Variants in KLF17 observed in about 807,000 individuals in gnomAD.
The protein encoded by KLF17 is Krueppel-like factor 17.
Under a neutral mutation model 34.2 loss-of-function variants are expected in KLF17, and 31 were observed. The ratio of observed to expected loss-of-function variants is 0.91; its 90% CI spans 0.68 to 1.22. KLF17 has a LOEUF of 1.22. Among genes scored for constraint, KLF17 ranks in the 50% most tolerant of loss-of-function variants. The probability of loss-of-function intolerance (pLI) is 0.00; values close to 1 mark genes in which losing one functional copy is unlikely to be tolerated. For synonymous variants in KLF17, 179 were observed against 186.7 expected (o/e 0.96, Z 0.34); for missense variants, 478 against 505.2 (o/e 0.95, Z 0.52).
the KLF17 span, among the ~76,000 whole-genome samples, chr1:44,099,894 A>G: frequency 1.5e-5 from 1 of 67,362 alleles, no homozygotes; most frequent in African/African-American, 4.7e-5. Flanking sequence ...AGAAAGAAAG[A>G]AAGAAAGAAA....
chr1:44,055,130 C>A, the KLF17 span, among the ~76,000 whole-genome samples: 1 of 152,118 alleles, frequency 6.6e-6, no homozygotes, highest in Non-Finnish European at 1.5e-5. Flanking sequence ...CTGTCCCAGG[C>A]TTAAAGGGGA....
the KLF17 span, among the ~76,000 whole-genome samples, chr1:44,055,657 A>T: frequency 2.0e-5 from 3 of 152,150 alleles, no homozygotes; most frequent in African/African-American, 7.2e-5. Context: ...GGGTCATGGA[A>T]GTTCCTGCTA....
the KLF17 span, among the ~76,000 whole-genome samples, chr1:44,079,399 C>G: frequency 1.3e-5 from 2 of 151,304 alleles, no homozygotes; most frequent in Non-Finnish European, 2.9e-5. Context: ...TGGGCTAAAG[C>G]AATTCTCCCA....
chr1:44,094,028 T>G, the KLF17 span, among the ~76,000 whole-genome samples: 4 of 152,354 alleles, frequency 2.6e-5, no homozygotes, highest in South Asian at 8.3e-4. Flanking sequence ...GTGGATTTTT[T>G]TTGATCAAAC....
chr1:44,100,116 A>ACAC, the KLF17 span, among the ~76,000 whole-genome samples: 1 of 144,232 alleles, frequency 6.9e-6, no homozygotes, highest in African/African-American at 2.6e-5. Context: ...ACACACACAC[A>ACAC]AATTAGCTGG....
At chr1:44,127,667 T>TTTC (rs201995206) in intron 1 of KLF17, among the ~76,000 whole-genome samples, 1 of 39,392 alleles carries the variant, frequency 2.5e-5, no homozygotes, top group African/African-American at 7.0e-5. Context: ...TCTTTCTTTC[T>TTTC]TTCTTTCTTT....
the KLF17 span, among the ~76,000 whole-genome samples, chr1:44,055,908 A>G: frequency 4.6e-5 from 7 of 152,240 alleles, no homozygotes; most frequent in Non-Finnish European, 8.8e-5. Flanking sequence ...TTAATGAGAT[A>G]GTAGTCCCAG....
At chr1:44,098,478 TA>T in the KLF17 span, among the ~76,000 whole-genome samples, 42,609 of 148,842 alleles carry the variant, frequency 0.29, 6,352 homozygotes, top group Middle Eastern at 0.34. Context: ...TCTTTATTAT[TA>T]TTTTTTTTAA....
At chr1:44,087,761 TATATATATACACACACAC>T in the KLF17 span, among the ~76,000 whole-genome samples, 10 of 56,436 alleles carry the variant, frequency 1.8e-4, no homozygotes, top group Admixed American at 8.9e-4. Context: ...TATATATATA[TATATATATACACACACAC>T]ACACACACAC....
At chr1:44,060,757 C>T in the KLF17 span, among the ~76,000 whole-genome samples, 1 of 152,168 alleles carries the variant, frequency 6.6e-6, no homozygotes, top group Non-Finnish European at 1.5e-5. Flanking sequence ...CAATAGCGGT[C>T]AGGCATTAAA....
At chr1:44,127,064 T>C (rs1378313185) in intron 1 of KLF17, among the ~76,000 whole-genome samples, 1 of 60,714 alleles carries the variant, frequency 1.6e-5, no homozygotes, top group Non-Finnish European at 3.4e-5. Context: ...GCCTGGCTTG[T>C]TTTTTTTTTT....
the KLF17 span, chr1:44,103,581 C>T: frequency 1.9e-6 from 3 of 1,588,816 alleles, no homozygotes; most frequent in Non-Finnish European, 2.6e-6. Context: ...GCTCTCCTCG[C>T]CCTCTAGCAG....
the KLF17 span, among the ~76,000 whole-genome samples, chr1:44,094,308 GTTAA>G: frequency 6.6e-6 from 1 of 151,944 alleles, no homozygotes; most frequent in Non-Finnish European, 1.5e-5. Context: ...TCTTTTCTTT[GTTAA>G]TTGTTTCCTC....
the KLF17 span, chr1:44,107,090 G>A: frequency 6.6e-6 from 1 of 152,188 alleles, no homozygotes; most frequent in Admixed American, 6.6e-5. Context: ...TGATGGTGAT[G>A]GGTTGATGAA....
chr1:44,104,066 C>T, the KLF17 span: 5 of 893,248 alleles, frequency 5.6e-6, no homozygotes, highest in Non-Finnish European at 9.5e-6. Flanking sequence ...AGATCTGGGA[C>T]TGCAGCTCCC....
the KLF17 span, among the ~76,000 whole-genome samples, chr1:44,047,615 A>G: frequency 6.6e-6 from 1 of 152,292 alleles, no homozygotes; most frequent in African/African-American, 2.4e-5. Context: ...AGTCACATCC[A>G]TCTTGAGGGA....
the KLF17 span, among the ~76,000 whole-genome samples, chr1:44,095,810 G>GT: frequency 6.6e-5 from 8 of 120,552 alleles, no homozygotes; most frequent in African/African-American, 1.8e-4. Context: ...ACTTTCTTGG[G>GT]GTTTTTTTTT....
chr1:44,108,198 C>G, the KLF17 span, among the ~76,000 whole-genome samples: 1 of 152,200 alleles, frequency 6.6e-6, no homozygotes, highest in Non-Finnish European at 1.5e-5. Context: ...CAGGTTTCTT[C>G]CCTTATATGC....
Position 44,118,987 on chromosome 1 carries a change from A to G in KLF17, c.80A>G (p.Gln27Arg). The change falls in exon 1 of 4, where the codon CAG becomes CGG. Residue 27 changes from glutamine (Q) to arginine (R), a missense_variant and splice_region_variant. Physicochemically the swap from Gln to Arg is conservative, Grantham distance 43 (BLOSUM62 1). Transcript: ENST00000372299. ...TGGCAGGCGGCGCACCAGGCTGCCC[A>G]GGTGAGTCAGGTGCCAGCCCCTGGC... is the stretch of plus-strand genomic sequence containing the variant. ...SRWQAAHQAA[Q>R]DNENSAPILN... 1 of 1,601,504 alleles carries G rather than the reference A, an allele frequency of 6.2e-7. No homozygotes were observed. Among genetic ancestry groups the G allele is most frequent in the Non-Finnish European group, 8.5e-7 (1 of 1,174,468 alleles).
Sources: allele counts gnomAD v4.1 joint callset (sites outside exome capture counted in the v4.1 genomes callset), GRCh38; gene constraint gnomAD v4.1.1; transcripts MANE v1.5; gene names NCBI Gene and HGNC (gene_info 2026-07-23, HGNC 2026-07-21).